Variants in MICALL2 observed in about 807,000 individuals in gnomAD.
MICALL2 encodes MICAL like 2, also known as MICAL-like protein 2.
A neutral mutation model predicts 91.1 loss-of-function variants in MICALL2; 111 were observed. That is an observed-to-expected ratio of 1.22 (90% CI 1.04 to 1.43). MICALL2 has a LOEUF of 1.43. Among genes scored for constraint, MICALL2 ranks in the 40% most tolerant of loss-of-function variants. MICALL2 has a pLI of 0.00. For missense variants in MICALL2, 1,556 were observed against 1,236.0 expected (o/e 1.26, Z -3.88); for synonymous variants, 694 against 525.3 (o/e 1.32, Z -4.39).
chr7:1,456,382 T>TA (rs1484948958), intron 1 of MICALL2, among the ~76,000 whole-genome samples: 2 of 152,216 alleles, frequency 1.3e-5, no homozygotes, highest in African/African-American at 2.4e-5. Flanking sequence ...GGTCAGGAGT[T>TA]ACACACCAGC....
In MICALL2 at chr7:1,445,061, G is replaced by A. The variant is rs1056144910; in HGVS notation, c.1009C>T (p.Arg337Cys). The change falls in exon 6 of 17, where the codon CGC becomes TGC. Residue 337 changes from arginine to cysteine, a missense_variant. Arg to Cys is a radical substitution (Grantham distance 180, BLOSUM62 -3). Coordinates refer to ENST00000297508, the MANE Select transcript of MICALL2 (RefSeq NM_182924.4). ...GGGGAGCTATTGGTCACACGAGGGC[G>A]GACTTTCCCCTCCGTGGGAGTGGGG... ...LAPTPTEGKV[R>C]PRVTNSSPMG... 17 of 1,548,254 alleles carry A rather than the reference G, an allele frequency of 1.1e-5. No individual in the cohort carries two copies. In the East Asian group the frequency reaches 1.5e-4, roughly 13 times the overall value.
rs549018950 is a variant in MICALL2 at position 1,447,735 on chromosome 7, G to C, written c.365C>G (p.Ser122Trp). The C allele has an allele frequency of 1.9e-6, 3 of 1,564,632 alleles. No individual in the cohort carries two copies. Among genetic ancestry groups the C allele is most frequent in the African/African-American group, 1.4e-5 (1 of 73,768 alleles). The change falls in exon 4 of 17, where the codon TCG becomes TGG. Residue 122 changes from serine (S) to tryptophan (W), a missense_variant. By Grantham distance (177) the Ser-to-Trp change is radical. Coordinates refer to ENST00000297508, the MANE Select transcript of MICALL2 (RefSeq NM_182924.4). ...TGACGGCTCCTCCTCAGAGTCCTCC[G>C]AGGCCCTCTTCACGCCTGCCATGCC... ...IGGMAGVKRA[S>W]EDSEEEPSGK...
intron 1 of MICALL2, among the ~76,000 whole-genome samples, chr7:1,457,133 C>T (rs1674130215): frequency 6.6e-6 from 1 of 152,210 alleles, no homozygotes; most frequent in Non-Finnish European, 1.5e-5. Context: ...CCTCCAAGGG[C>T]ACATGGCCTT....
chr7:1,443,122 C>G (rs558233226), intron 6 of MICALL2, among the ~76,000 whole-genome samples: 1 of 141,644 alleles, frequency 7.1e-6, no homozygotes, highest in Admixed American at 7.0e-5. Flanking sequence ...CCCCCTTTCC[C>G]TTTACACTGG....
rs1252694388 is a variant in MICALL2 at position 1,439,985 on chromosome 7, G to A, written c.1906C>T (p.Leu636=). 2.7e-5 allele frequency: 41 copies of A among 1,538,888 alleles called. No homozygotes were observed. The highest frequency in any genetic ancestry group is 3.6e-5 in the Non-Finnish European group (41 of 1,154,162). The stretch of plus-strand genomic sequence containing the variant: ...GTCCTGTCAGGCCTCACGGGGGTCA[G>A]GGTGATGTGGACACTCCCAGCAAAG... ...GSFAGSVHIT[L]TPVRPDRTPR... The change falls in exon 9 of 17, where the codon CTG becomes TTG. Residue 636 remains leucine (L), a synonymous_variant. Transcript: ENST00000297508.
chr7:1,436,198 T>C (rs970529651), intron 15 of MICALL2, among the ~76,000 whole-genome samples: 2 of 151,962 alleles, frequency 1.3e-5, no homozygotes, highest in African/African-American at 2.4e-5. Context: ...AAGACCAGCC[T>C]AGCCAACATG....
intron 16 of MICALL2, 95 bp downstream of exon 16, chr7:1,435,006 G>T: frequency 3.3e-6 from 1 of 303,186 alleles, no homozygotes; most frequent in Non-Finnish European, 5.1e-6. Context: ...ACCCCCAGCT[G>T]GAGGCCCGGT....
intron 1 of MICALL2, 159 bp from the exon 2 acceptor site, chr7:1,450,447 G>A (rs1780785031): frequency 1.5e-6 from 1 of 663,706 alleles, no homozygotes; most frequent in Admixed American, 2.5e-5. Flanking sequence ...GCAGAGGCCA[G>A]GGCTCCCGGC....
Position 1,437,210 on chromosome 7 carries a change from G to A in MICALL2, c.2476+325C>T, listed in dbSNP as rs986505597. 2.4e-5 allele frequency: 12 copies of A among 497,622 alleles called. No individual in the cohort carries two copies. In the East Asian group the frequency reaches 2.9e-4, roughly 12 times the overall value. 30.8% of individuals were successfully genotyped at this position (497,622 alleles called of 1,614,324 possible). On this transcript the variant is annotated intron_variant, in intron 14 of 16. Coordinates refer to ENST00000297508, the MANE Select transcript of MICALL2 (RefSeq NM_182924.4). ...GGGCACCCTGCATCACGAGACAAAT[G>A]CCTATGGCTCGCCCTGACTGCTGCT...
intron 12 of MICALL2, 46 bp from the exon 13 acceptor site, chr7:1,438,026 T>C (rs1441043209): frequency 5.8e-6 from 9 of 1,554,366 alleles, no homozygotes; most frequent in South Asian, 3.6e-5. Flanking sequence ...CCAGAGTTCA[T>C]GGCCCCCAGC....
Position 1,442,439 on chromosome 7 carries a change from A to G in MICALL2, c.1464T>C (p.Thr488=), listed in dbSNP as rs779752198. The change falls in exon 7 of 17, where the codon ACT becomes ACC. Residue 488 remains threonine, a synonymous_variant. Coordinates refer to ENST00000297508, the MANE Select transcript of MICALL2 (RefSeq NM_182924.4). ...CTAAGGGACTTGCTTGTGGTGCTTC[A>G]GTTTTGGGCTGAGAACTGGGAACAG... ...TAAVPSSQPK[T]EAPQASPLAK... 5.2e-5 allele frequency: 81 copies of G among 1,556,296 alleles called. No individual in the cohort carries two copies. Among genetic ancestry groups the G allele is most frequent in the Admixed American group, 3.6e-4 (19 of 53,430 alleles).
In MICALL2 at chr7:1,450,168, G is replaced by A. The variant is rs553066229; in HGVS notation, c.192+72C>T. The A allele has an allele frequency of 2.9e-5, 36 of 1,243,238 alleles. 1 individual carries two copies. The East Asian group carries it at 5.6e-4, about 19-fold the overall frequency. 77.0% of individuals were successfully genotyped at this position (1,243,238 alleles called of 1,614,324 possible). ...GTGCAGGGCCTGGGGGGAGTCCCTC[G>A]GTCCCTCGGACGTGGGTGGGGCTCA... On this transcript the variant is annotated intron_variant, in intron 2 of 16. Coordinates refer to ENST00000297508, the MANE Select transcript of MICALL2 (RefSeq NM_182924.4).
chr7:1,440,513 C>T (rs1366413653), intron 8 of MICALL2, 78 bp downstream of exon 8: 15 of 1,286,052 alleles, frequency 1.2e-5, no homozygotes, highest in East Asian at 4.7e-5. Context: ...GCGTGTCAAT[C>T]GGTCGATTAC....
At chr7:1,434,772 G>T (rs1779883938) in intron 16 of MICALL2, 100 bp from the exon 17 acceptor site, 2 of 1,242,164 alleles carry the variant, frequency 1.6e-6, no homozygotes, top group African/African-American at 1.5e-5. Flanking sequence ...CCTTCCACTG[G>T]CCACAATCCG....
chr7:1,448,539 A>C (rs1780696737), intron 3 of MICALL2, 81 bp downstream of exon 3: 3 of 1,500,104 alleles, frequency 2.0e-6, no homozygotes, highest in South Asian at 1.1e-5. Context: ...CATGGACCCC[A>C]AAAAGTCCAC....
chr7:1,447,326 T>C (rs555342464), intron 4 of MICALL2, among the ~76,000 whole-genome samples: 1 of 152,210 alleles, frequency 6.6e-6, no homozygotes, highest in East Asian at 1.9e-4. Context: ...CCTGGGCCCA[T>C]CTAGGTTCAA....
intron 12 of MICALL2, 30 bp from the exon 13 acceptor site, chr7:1,438,010 G>A (rs1475272813): frequency 6.4e-6 from 10 of 1,550,708 alleles, no homozygotes; most frequent in East Asian, 2.4e-5. Context: ...GGGGCAGGGG[G>A]GCCCGCCAGA....
chr7:1,444,513 G>C lies in MICALL2; in HGVS notation c.1418+139C>G, dbSNP rs1430767138. 5 of 858,800 alleles carry C rather than the reference G, an allele frequency of 5.8e-6. No individual in the cohort carries two copies. The Admixed American group carries it at 1.5e-4, about 25-fold the overall frequency. The allele number at this position is 858,800 out of a possible 1,614,324, so 53.2% of individuals were successfully genotyped here. ...TCCTCCTCCCCATTCCCCAGAGAAG[G>C]AAACAGGCTGGGGGAAGTGCAGTCC... On this transcript the variant is annotated intron_variant, in intron 6 of 16. Transcript: ENST00000297508.
chr7:1,434,875 C>T lies in MICALL2; in HGVS notation c.2639-203G>A. On this transcript the variant is annotated intron_variant, in intron 16 of 16. Transcript: ENST00000297508. Reference sequence around the variant, plus strand: ...CCCGGAGGGCTGGTCCCCACCATGACCACACGGTCACCAGCTGCCCCTGGC... The same window carrying T: ...CCCGGAGGGCTGGTCCCCACCATGATCACACGGTCACCAGCTGCCCCTGGC... 9.8e-6 allele frequency: 7 copies of T among 716,164 alleles called. No homozygotes were observed. In the South Asian group the frequency reaches 1.3e-4, roughly 13 times the overall value. The allele number at this position is 716,164 out of a possible 1,614,324, so 44.4% of individuals were successfully genotyped here. A position where few individuals can be genotyped will look rare whatever the true frequency, so the allele number is the denominator to read the frequency against.
Sources: allele counts gnomAD v4.1 joint callset (sites outside exome capture counted in the v4.1 genomes callset), GRCh38; gene constraint gnomAD v4.1.1; transcripts MANE v1.5; gene names NCBI Gene and HGNC (gene_info 2026-07-23, HGNC 2026-07-21).